LDAH: variants seen among roughly 807,000 people sequenced by gnomAD.
The protein encoded by LDAH is lipid droplet-associated hydrolase.
A neutral mutation model predicts 29.6 loss-of-function variants in LDAH; 26 were observed. The observed-to-expected ratio is 0.88, with a 90% CI of 0.64 to 1.22. LDAH has a LOEUF of 1.22. Among genes scored for constraint, LDAH ranks in the 50% most tolerant of loss-of-function variants. The pLI is 0.00. For synonymous variants in LDAH, 117 were observed against 133.0 expected, an observed-to-expected ratio of 0.88 and a Z score of 0.83; for missense variants, 344 against 387.3, an observed-to-expected ratio of 0.89 and a Z score of 0.94.
chr2:20,818,531 A>C (rs939354980), intron 1 of LDAH, among the ~76,000 whole-genome samples: 1 of 151,826 alleles, frequency 6.6e-6, no homozygotes, highest in African/African-American at 2.4e-5. Context: ...TCTATATCCT[A>C]ACTTGATCAC....
intron 1 of LDAH, among the ~76,000 whole-genome samples, chr2:20,808,673 AAG>A (rs1454172401): frequency 1.3e-5 from 2 of 151,978 alleles, no homozygotes; most frequent in African/African-American, 4.8e-5. Flanking sequence ...AAAAAAAAAA[AAG>A]AATAGCCAAG....
rs1485791194 is a variant in LDAH, at chr2:20,769,622, G to T, written c.468+5188C>A. On this transcript the variant is annotated intron_variant, in intron 4 of 6. Transcript: ENST00000237822. ...TATATTCCTGAATCAAAACATATAT[G>T]ATCTAACATGTTATTCTAATTCTTT... Among the ~76,000 whole-genome samples, 3 of 152,200 alleles carry T rather than the reference G, an allele frequency of 2.0e-5. No individual in the cohort carries two copies. The East Asian group carries it at 5.8e-4, about 29-fold the overall frequency.
intron 1 of LDAH, among the ~76,000 whole-genome samples, chr2:20,806,607 T>C (rs1391790778): frequency 2.0e-5 from 3 of 151,884 alleles, no homozygotes; most frequent in African/African-American, 2.4e-5. Context: ...TGAGAACAAT[T>C]AGAAAAGCCA....
chr2:20,815,655 C>T lies in LDAH; in HGVS notation c.-3+7382G>A, dbSNP rs1672797515. Among the ~76,000 whole-genome samples the T allele has an allele frequency of 2.0e-5, 3 of 151,990 alleles. No homozygotes were observed. In the South Asian group the frequency reaches 6.2e-4, roughly 32 times the overall value. ...TCAAATGTTAAAGAAAAAGAACTGT[C>T]AAGGCCAAATTCCATATAGGACAAA... On this transcript the variant is annotated intron_variant, in intron 1 of 6. Transcript: ENST00000237822.
chr2:20,747,378 G>A (rs988829664), intron 4 of LDAH, among the ~76,000 whole-genome samples: 13 of 151,964 alleles, frequency 8.6e-5, no homozygotes, highest in Non-Finnish European at 7.4e-5. Flanking sequence ...CTTCTCCACC[G>A]TACAAGCAGA....
chr2:20,792,590 A>T (rs972598775), intron 2 of LDAH, among the ~76,000 whole-genome samples: 1 of 152,166 alleles, frequency 6.6e-6, no homozygotes. Flanking sequence ...TGGCATTTTC[A>T]TTAGAAATAA....
chr2:20,683,199 C>G (rs1662365045), downstream of LDAH, among the ~76,000 whole-genome samples: 1 of 152,200 alleles, frequency 6.6e-6, no homozygotes, highest in African/African-American at 2.4e-5. Context: ...AGGCCAGACC[C>G]ATGTCCCACA....
intron 5 of LDAH, among the ~76,000 whole-genome samples, chr2:20,735,546 G>A (rs1431181273): frequency 6.6e-6 from 1 of 151,150 alleles, no homozygotes; most frequent in Admixed American, 6.6e-5. Context: ...TATAGTGGCT[G>A]CTTTAAAGTT....
intron 6 of LDAH, among the ~76,000 whole-genome samples, chr2:20,700,281 A>G (rs1558388852): frequency 6.6e-6 from 1 of 152,196 alleles, no homozygotes; most frequent in African/African-American, 2.4e-5. Flanking sequence ...CCAAATTTCA[A>G]TCTCTAGCCA....
chr2:20,709,483 A>G (rs1354583121), intron 5 of LDAH, among the ~76,000 whole-genome samples: 1 of 141,162 alleles, frequency 7.1e-6, no homozygotes, highest in African/African-American at 2.5e-5. Context: ...TAGGATGGCT[A>G]TAATAAAAAA....
chr2:20,685,610 G>A lies in LDAH; in HGVS notation c.*1293C>T. 6.5e-7 allele frequency: 1 copy of A among 1,550,310 alleles called. No individual in the cohort carries two copies. The highest frequency in any genetic ancestry group is 1.2e-5 in the South Asian group (1 of 84,040). On this transcript the variant is annotated 3_prime_UTR_variant, in exon 7 of 7. Transcript: ENST00000237822. ...AGGGGGCTTTAGGATTTGAGCGGAG[G>A]GACATCTCATTGTCCTTAGGGAATG...
intron 4 of LDAH, among the ~76,000 whole-genome samples, chr2:20,744,214 T>TC (rs1213436815): frequency 7.5e-5 from 10 of 133,302 alleles, no homozygotes; most frequent in Non-Finnish European, 1.6e-4. Flanking sequence ...CTTGCTCTAT[T>TC]CTCCTCAGAT....
At chr2:20,790,207 T>C (rs748929588) in intron 3 of LDAH, 48 bp downstream of exon 3, 14 of 1,590,476 alleles carry the variant, frequency 8.8e-6, no homozygotes, top group Admixed American at 1.7e-5. Flanking sequence ...GCTAGAAACA[T>C]GACCCTGCAC....
At chr2:20,749,501 A>G (rs1370104255) in intron 4 of LDAH, among the ~76,000 whole-genome samples, 1 of 152,228 alleles carries the variant, frequency 6.6e-6, no homozygotes, top group African/African-American at 2.4e-5. Flanking sequence ...CCAAGGATGA[A>G]TAATATAATG....
intron 1 of LDAH, among the ~76,000 whole-genome samples, chr2:20,815,938 A>T (rs1165681268): frequency 6.6e-6 from 1 of 152,126 alleles, no homozygotes; most frequent in African/African-American, 2.4e-5. Context: ...TTATAACAAC[A>T]TTTGATGTGG....
chr2:20,794,059 TTTC>T (rs748963626), intron 2 of LDAH, among the ~76,000 whole-genome samples: 22,207 of 151,732 alleles, frequency 0.15, 3,951 homozygotes, highest in African/African-American at 0.43. Context: ...AAAGAAGAGG[TTTC>T]ATGGACTCAC....
At chr2:20,687,924 C>A (rs981750772) in intron 6 of LDAH, among the ~76,000 whole-genome samples, 1 of 152,204 alleles carries the variant, frequency 6.6e-6, no homozygotes, top group African/African-American at 2.4e-5. Flanking sequence ...CTTAAGGATC[C>A]TTTGACCTCT....
Position 20,686,928 on chromosome 2 carries a change from A to C in LDAH, c.953T>G (p.Leu318Arg). 6.2e-7 allele frequency: 1 copy of C among 1,613,834 alleles called. No homozygotes were observed. The highest frequency in any genetic ancestry group is 8.5e-7 in the Non-Finnish European group (1 of 1,179,854). The change falls in exon 7 of 7, where the codon CTA becomes CGA. Residue 318 changes from leucine (L) to arginine (R), a missense_variant. Transcript: ENST00000237822. ...TTACATTTTGGACAAGTCATCCTTT[A>C]GGGAGTCAGCAATCATGTCTGCCAT... The part of the protein sequence containing the change: ...QEMADMIADS[L>R]KDDLSKM
chr2:20,785,185 C>T (rs55865386), intron 3 of LDAH, among the ~76,000 whole-genome samples: 3,634 of 152,286 alleles, frequency 0.024, 65 homozygotes, highest in Non-Finnish European at 0.037. Context: ...TAATCTCTAT[C>T]GCTTTCCCTT....
Sources: gnomAD v4.1 joint callset for allele counts (sites outside exome capture counted in the v4.1 genomes callset) on GRCh38, gnomAD v4.1.1 for gene constraint, MANE v1.5 for transcripts, NCBI Gene and HGNC (gene_info 2026-07-23, HGNC 2026-07-21) for gene names.